CUX1: variants seen among roughly 807,000 people sequenced by gnomAD.
CUX1 encodes cut like homeobox 1.
In CUX1, 31 loss-of-function variants were observed where a neutral mutation model predicts 158.8. The observed-to-expected ratio is 0.20, with a 90% CI of 0.15 to 0.26. The LOEUF (loss-of-function observed/expected upper bound fraction) is 0.26. Ranked by LOEUF, CUX1 falls within the 10% of genes least tolerant of loss-of-function variation. The pLI is 1.00. For synonymous variants in CUX1, 879 were observed against 862.1 expected, an observed-to-expected ratio of 1.02 and a Z score of -0.34; for missense variants, 1,589 against 2,014.6, an observed-to-expected ratio of 0.79 and a Z score of 4.04.
chr7:101,934,707 G>A (rs1806714766), intron 2 of CUX1, among the ~76,000 whole-genome samples: 1 of 152,034 alleles, frequency 6.6e-6, no homozygotes, highest in South Asian at 2.1e-4. Flanking sequence ...CTTGTCATGA[G>A]GCTTTCAGTT....
rs1554541903 is a variant in CUX1 at position 102,256,068 on chromosome 7, C to G, written c.*7026C>G. 3 of 985,370 alleles carry G rather than the reference C, an allele frequency of 3.0e-6. No individual in the cohort carries two copies. Among genetic ancestry groups the G allele is most frequent in the Non-Finnish European group, 3.6e-6 (3 of 829,964 alleles). The allele number at this position is 985,370 out of a possible 1,614,324, so 61.0% of individuals were successfully genotyped here. ...GGAAAACAGGCCTCCCCGACTCCCT[C>G]CAGTCTCCCAGCCTGCCTCTTGGTG... On this transcript the variant is annotated 3_prime_UTR_variant, in exon 24 of 24. Coordinates refer to ENST00000292535, the MANE Select transcript of CUX1 (RefSeq NM_181552.4).
chr7:102,008,631 ACCCCAGGTCCC>A (rs1217872162), intron 2 of CUX1, among the ~76,000 whole-genome samples: 1 of 151,746 alleles, frequency 6.6e-6, no homozygotes, highest in Non-Finnish European at 1.5e-5. Context: ...GAGCCTAAGA[ACCCCAGGTCCC>A]CAGCCTGTCC....
intron 2 of CUX1, among the ~76,000 whole-genome samples, chr7:102,003,093 G>A (rs953117273): frequency 1.3e-5 from 2 of 151,980 alleles, no homozygotes; most frequent in Non-Finnish European, 2.9e-5. Context: ...GTAGAGACAG[G>A]GTTTCGTGTT....
chr7:102,194,649 C>T (rs1319570907), intron 13 of CUX1, among the ~76,000 whole-genome samples: 1 of 151,386 alleles, frequency 6.6e-6, no homozygotes, highest in African/African-American at 2.4e-5. Flanking sequence ...GGTTTAGGAA[C>T]TTTAGTTACA....
intron 7 of CUX1, among the ~76,000 whole-genome samples, chr7:102,112,455 A>G (rs1554490442): frequency 6.6e-6 from 1 of 152,094 alleles, no homozygotes; most frequent in Non-Finnish European, 1.5e-5. Flanking sequence ...GTTAGCCAGG[A>G]TGGTCTCGAT....
Position 101,950,479 on chromosome 7 carries a change from C to G in CUX1, c.141+34254C>G, listed in dbSNP as rs372381064. Among the ~76,000 whole-genome samples the G allele has an allele frequency of 1.4e-4, 22 of 152,034 alleles. 1 individual carries two copies. In the East Asian group the frequency reaches 1.9e-3, roughly 13 times the overall value. On this transcript the variant is annotated intron_variant, in intron 2 of 23. Coordinates refer to ENST00000292535, the MANE Select transcript of CUX1 (RefSeq NM_181552.4). ...TTTACCATTTTAGTTATTTTGAAAT[C>G]TACAGTTTAGTGGAATTAGGTACAT...
At chr7:101,993,008 G>A (rs766242575) in intron 2 of CUX1, among the ~76,000 whole-genome samples, 7 of 152,236 alleles carry the variant, frequency 4.6e-5, no homozygotes, top group African/African-American at 7.2e-5. Flanking sequence ...TGGCCTGGGC[G>A]GGAGGGTCCA....
rs531366195 is a variant in CUX1, at chr7:102,022,050, A to G, written c.142-6048A>G. Among the ~76,000 whole-genome samples the G allele has an allele frequency of 3.3e-5, 5 of 152,246 alleles. No homozygotes were observed. In the South Asian group the frequency reaches 1.0e-3, roughly 32 times the overall value. On this transcript the variant is annotated intron_variant, in intron 2 of 23. Transcript: ENST00000292535. ...GGTCCCTGGCACGCGACTCTGGGAT[A>G]TGGGGAGTGGAAGAGAGCTCATGGG...
At chr7:102,234,409 G>A (rs141462288) in intron 22 of CUX1, among the ~76,000 whole-genome samples, 169 bp downstream of exon 22, 1 of 152,094 alleles carries the variant, frequency 6.6e-6, no homozygotes, top group Non-Finnish European at 1.5e-5. Flanking sequence ...TACCTAAGAG[G>A]GCTGGAAAGT....
chr7:101,837,693 T>C (rs758506975), intron 1 of CUX1, among the ~76,000 whole-genome samples: 92 of 151,810 alleles, frequency 6.1e-4, no homozygotes, highest in Non-Finnish European at 9.3e-4. Context: ...CTGGGCATCA[T>C]GGTGACGCAC....
intron 2 of CUX1, among the ~76,000 whole-genome samples, chr7:101,923,458 G>A (rs957529136): frequency 2.0e-5 from 3 of 152,280 alleles, no homozygotes; most frequent in East Asian, 1.9e-4. Context: ...TCCTGGTGAC[G>A]TCAGTCGGCC....
chr7:101,821,656 C>CTTTTTT, intron 1 of CUX1, among the ~76,000 whole-genome samples: 1 of 94,540 alleles, frequency 1.1e-5, no homozygotes, highest in Admixed American at 1.0e-4. Flanking sequence ...CTTTTCTTTT[C>CTTTTTT]TTTTTTTCTT....
chr7:102,119,561 T>C (rs1831815013), intron 8 of CUX1, among the ~76,000 whole-genome samples: 1 of 152,256 alleles, frequency 6.6e-6, no homozygotes, highest in Non-Finnish European at 1.5e-5. Context: ...TGTTTATTAA[T>C]GCAAGATTCC....
chr7:101,817,175 C>T (rs1381032745), upstream of CUX1: 1 of 984,256 alleles, frequency 1.0e-6, no homozygotes, highest in Non-Finnish European at 1.2e-6. This position sits in a 1 kb window ranked among gnomAD's most constrained non-coding sequence, Gnocchi z 4.1. Context: ...AGGCAGGCCC[C>T]AAGCTGTTCC....
chr7:101,989,838 A>G (rs1204047023), intron 2 of CUX1, among the ~76,000 whole-genome samples: 2 of 152,202 alleles, frequency 1.3e-5, no homozygotes, highest in African/African-American at 2.4e-5. Flanking sequence ...CCTCATGGAC[A>G]AGGTGGGCCT....
At chr7:101,827,635 T>C (rs1485110305) in intron 1 of CUX1, among the ~76,000 whole-genome samples, 3 of 152,092 alleles carry the variant, frequency 2.0e-5, no homozygotes, top group Non-Finnish European at 4.4e-5. Context: ...CCCAAAAACT[T>C]AATTACTAAT....
intron 8 of CUX1, among the ~76,000 whole-genome samples, chr7:102,131,287 T>C (rs535200378): frequency 6.6e-6 from 1 of 152,192 alleles, no homozygotes; most frequent in African/African-American, 2.4e-5. Context: ...ATGCAGATGG[T>C]TGATTGTCAT....
chr7:102,100,343 A>C (rs1829645285), intron 5 of CUX1, among the ~76,000 whole-genome samples: 1 of 152,202 alleles, frequency 6.6e-6, no homozygotes, highest in Non-Finnish European at 1.5e-5. Context: ...GCTACCACCT[A>C]GCTATGTGAC....
At chr7:102,198,726 C>T in intron 15 of CUX1, 76 bp from the exon 16 acceptor site, 1 of 1,316,270 alleles carries the variant, frequency 7.6e-7, no homozygotes, top group Non-Finnish European at 1.1e-6. Flanking sequence ...GCTCAGATTT[C>T]ATGTCACACA....
Sources: gnomAD v4.1 joint callset for allele counts (sites outside exome capture counted in the v4.1 genomes callset) on GRCh38, gnomAD v4.1.1 for gene constraint, Gnocchi (gnomAD v3.1) non-coding constraint, MANE v1.5 for transcripts, NCBI Gene and HGNC (gene_info 2026-07-23, HGNC 2026-07-21) for gene names.